The following KIF13B variants were observed in gnomAD, a reference collection of about 807,000 sequenced individuals.
The protein encoded by KIF13B is kinesin-like protein KIF13B.
Under a neutral mutation model 222.0 loss-of-function variants are expected in KIF13B, and 127 were observed. The ratio of observed to expected loss-of-function variants is 0.57; its 90% CI spans 0.50 to 0.66. The LOEUF is 0.66. Ranked by LOEUF, KIF13B falls within the 30% of genes least tolerant of loss-of-function variation. KIF13B has a pLI of 0.00. For synonymous variants in KIF13B, 976 were observed against 919.0 expected, an observed-to-expected ratio of 1.06 and a Z score of -1.12; for missense variants, 2,173 against 2,379.0, an observed-to-expected ratio of 0.91 and a Z score of 1.80.
chr8:29,078,855 G>A (rs1038461828), intron 37 of KIF13B, among the ~76,000 whole-genome samples: 1 of 152,188 alleles, frequency 6.6e-6, no homozygotes, highest in Non-Finnish European at 1.5e-5. Flanking sequence ...CCTGTCTACT[G>A]AGCGTTGCTG....
intron 2 of KIF13B, among the ~76,000 whole-genome samples, chr8:29,209,184 G>C (rs373787943): frequency 6.6e-6 from 1 of 152,312 alleles, no homozygotes; most frequent in African/African-American, 2.4e-5. Context: ...GGAACTGCCA[G>C]AGAAGGAGGA....
chr8:29,157,584 A>C (rs1811592734), intron 13 of KIF13B, among the ~76,000 whole-genome samples: 1 of 151,906 alleles, frequency 6.6e-6, no homozygotes, highest in Admixed American at 6.6e-5. Flanking sequence ...ACATGCCTAT[A>C]ATCATAGCTA....
chr8:29,239,887 T>A (rs1815686555), intron 2 of KIF13B, among the ~76,000 whole-genome samples: 1 of 151,962 alleles, frequency 6.6e-6, no homozygotes, highest in Non-Finnish European at 1.5e-5. Context: ...GGTTTCGAAC[T>A]CCTGACCTCA....
chr8:29,101,876 G>T (rs181958119), intron 35 of KIF13B, among the ~76,000 whole-genome samples: 97 of 152,180 alleles, frequency 6.4e-4, no homozygotes, highest in African/African-American at 2.0e-3. Flanking sequence ...TGACGCCTAC[G>T]AATCTCTGCG....
Position 29,150,400 on chromosome 8 carries a change from T to G in KIF13B, c.1536-17A>C, listed in dbSNP as rs1312021303. On this transcript the variant is annotated splice_polypyrimidine_tract_variant and intron_variant, in intron 14 of 39. Transcript: ENST00000524189. ...ACAAATGTTCTGTAAGGAGAAGAGA[T>G]CAAACGTGAATGATGAGTACAGTAT... 1 of 1,334,900 alleles carries G rather than the reference T, an allele frequency of 7.5e-7. No individual in the cohort carries two copies. The highest frequency in any genetic ancestry group is 1.1e-6 in the Non-Finnish European group (1 of 935,018). The allele number at this position is 1,334,900 out of a possible 1,614,324, so 82.7% of individuals were successfully genotyped here.
At chr8:29,116,090 T>G (rs530834496) in intron 31 of KIF13B, among the ~76,000 whole-genome samples, 151 of 152,292 alleles carry the variant, frequency 9.9e-4, no homozygotes, top group Non-Finnish European at 1.7e-3. Flanking sequence ...TGTTTCTTTT[T>G]TGAGATGCAT....
At chr8:29,127,924 T>C (rs1810187348) in intron 24 of KIF13B, among the ~76,000 whole-genome samples, 1 of 151,858 alleles carries the variant, frequency 6.6e-6, no homozygotes, top group Non-Finnish European at 1.5e-5. Context: ...AACCTTAAAC[T>C]GTGAAACATA....
At chr8:29,113,323 T>C (rs920776711) in intron 32 of KIF13B, 140 bp downstream of exon 32, 2 of 537,970 alleles carry the variant, frequency 3.7e-6, no homozygotes, top group African/African-American at 1.9e-5. Flanking sequence ...GAATTGATAT[T>C]AGAAAATTCC....
chr8:29,130,965 C>T (rs1483337083), intron 23 of KIF13B, among the ~76,000 whole-genome samples: 1 of 152,144 alleles, frequency 6.6e-6, no homozygotes, highest in Non-Finnish European at 1.5e-5. Context: ...TGTACAGAAG[C>T]AGCAAGTACA....
At chr8:29,182,089 A>G in intron 6 of KIF13B, 83 bp from the exon 7 acceptor site, 1 of 1,033,488 alleles carries the variant, frequency 9.7e-7, no homozygotes, top group South Asian at 1.5e-5. Context: ...AAAAATATAC[A>G]ATGAATCCAA....
At chr8:29,180,681 C>T (rs1243075990) in intron 7 of KIF13B, among the ~76,000 whole-genome samples, 1 of 152,204 alleles carries the variant, frequency 6.6e-6, no homozygotes, top group East Asian at 1.9e-4. Flanking sequence ...CCGACTACCA[C>T]TATCTTAGCA....
At chr8:29,206,128 A>T (rs1813923657) in intron 2 of KIF13B, among the ~76,000 whole-genome samples, 1 of 151,524 alleles carries the variant, frequency 6.6e-6, no homozygotes, top group South Asian at 2.1e-4. Flanking sequence ...CCCCCCACAA[A>T]AAAAGAGGCT....
In KIF13B at chr8:29,248,846, G is replaced by T. The variant is rs533408603; in HGVS notation, c.56-3407C>A. The stretch of plus-strand genomic sequence containing the variant: ...TATCCAGAATAGGGAAATTTGTAGA[G>T]ACAAAATAAATTAGTGTTGTCTAGG... On this transcript the variant is annotated intron_variant, in intron 1 of 39. Transcript: ENST00000524189. 3.3e-5 allele frequency among the ~76,000 whole-genome samples: 5 copies of T among 152,312 alleles called. No homozygotes were observed. In the South Asian group the frequency reaches 8.3e-4, roughly 25 times the overall value.
intron 37 of KIF13B, among the ~76,000 whole-genome samples, chr8:29,090,450 C>T (rs530896986): frequency 3.9e-5 from 6 of 152,246 alleles, no homozygotes; most frequent in South Asian, 2.1e-4. Context: ...GAGTGGATCG[C>T]GGACCGAGGG....
At chr8:29,194,231 C>T (rs1445231054) in intron 3 of KIF13B, among the ~76,000 whole-genome samples, 1 of 151,440 alleles carries the variant, frequency 6.6e-6, no homozygotes, top group East Asian at 1.9e-4. Context: ...TACAGAAGGC[C>T]AACTGTATAT....
At chr8:29,189,204 T>G (rs1813069812) in intron 4 of KIF13B, 1 of 152,174 alleles carries the variant, frequency 6.6e-6, no homozygotes, top group Non-Finnish European at 1.5e-5. Context: ...CAAGTCACCC[T>G]ACCTCACTTA....
chr8:29,148,516 C>T (rs1811160278), intron 16 of KIF13B, 61 bp downstream of exon 16: 1 of 1,283,154 alleles, frequency 7.8e-7, no homozygotes, highest in African/African-American at 1.5e-5. Context: ...CTCAAGCGAT[C>T]TCCCCACCTC....
chr8:29,161,497 G>A (rs182478778), intron 12 of KIF13B, among the ~76,000 whole-genome samples: 1 of 152,276 alleles, frequency 6.6e-6, no homozygotes. Context: ...TTGAGGTCAG[G>A]CGTTCAAGAC....
chr8:29,200,511 T>TG (rs1410585001), intron 2 of KIF13B, among the ~76,000 whole-genome samples: 6 of 152,186 alleles, frequency 3.9e-5, no homozygotes, highest in Non-Finnish European at 7.3e-5. Flanking sequence ...GCTCCAAAAA[T>TG]AGTACAAAAA....
Sources: gnomAD v4.1 joint callset for allele counts (sites outside exome capture counted in the v4.1 genomes callset) on GRCh38, gnomAD v4.1.1 for gene constraint, MANE v1.5 for transcripts, NCBI Gene and HGNC (gene_info 2026-07-23, HGNC 2026-07-21) for gene names.